The following ELP1 variants were observed in gnomAD, a reference collection of about 807,000 sequenced individuals.
ELP1 encodes the protein elongator acetyltransferase complex subunit 1.
Under a neutral mutation model 183.2 loss-of-function variants are expected in ELP1, and 131 were observed. That is an observed-to-expected ratio of 0.72 (90% CI 0.62 to 0.83). The LOEUF (loss-of-function observed/expected upper bound fraction) is 0.83, where lower values mean the gene tolerates loss of function less well. ELP1 is among the 40% of genes least tolerant of loss of function. The pLI is 0.00. For missense variants in ELP1, 1,550 were observed against 1,594.9 expected, an observed-to-expected ratio of 0.97 and a Z score of 0.48; for synonymous variants, 555 against 569.0, an observed-to-expected ratio of 0.98 and a Z score of 0.35.
chr9:108,918,850 C>T lies in ELP1; in HGVS notation c.701G>A (p.Ser234Asn). Residue 234 changes from serine to asparagine, a missense_variant, in exon 8 of 37, where the codon AGT (serine) becomes AAT (asparagine). Transcript: ENST00000374647. ...TGGTCCCAGTCCTGCCACAGGCTCA[C>T]TGGTTGACTGCAAAGCAAACTCTCG... is the stretch of plus-strand genomic sequence containing the variant. ...WNREFALQST[S>N]EPVAGLGPAL... 6.2e-7 allele frequency: 1 copy of T among 1,614,180 alleles called. No homozygotes were observed. The highest frequency in any genetic ancestry group is 1.7e-5 in the Admixed American group (1 of 60,028).
At chr9:108,885,565 A>G (rs1324026736) in intron 29 of ELP1, among the ~76,000 whole-genome samples, 2 of 152,252 alleles carry the variant, frequency 1.3e-5, no homozygotes, top group African/African-American at 4.8e-5. Flanking sequence ...CCTTACTGGT[A>G]TATTCTACTA....
intron 33 of ELP1, 109 bp downstream of exon 33, chr9:108,879,337 A>G: frequency 2.5e-6 from 2 of 798,262 alleles, no homozygotes; most frequent in Non-Finnish European, 4.4e-6. Context: ...GCTGAAGAAT[A>G]TTCTCCCCAC....
At position 108,897,021 on chromosome 9, in the gene ELP1, A is replaced by T; in HGVS notation, c.2519T>A (p.Leu840His). The T allele has an allele frequency of 6.2e-7, 1 of 1,614,068 alleles. No individual in the cohort carries two copies. Among genetic ancestry groups the T allele is most frequent in the Non-Finnish European group, 8.5e-7 (1 of 1,179,926 alleles). The stretch of plus-strand genomic sequence containing the variant: ...GGTTGTCTTCTTTACATGAGATGTA[A>T]GTATGGATAGGCAGTATCTGAGGTA... ...INPHKYCLSI[L>H]TSHVKKTTPE... Residue 840 changes from leucine to histidine, a missense_variant, in exon 24 of 37, where the codon CTT becomes CAT. By Grantham distance (99) the Leu-to-His change is moderately conservative. Coordinates refer to ENST00000374647, the MANE Select transcript of ELP1 (RefSeq NM_003640.5).
chr9:108,933,608 T>C (rs377345363), intron 1 of ELP1, among the ~76,000 whole-genome samples: 1 of 152,358 alleles, frequency 6.6e-6, no homozygotes, highest in East Asian at 1.9e-4. Flanking sequence ...ATCAACCCCC[T>C]GCAAGCAATC....
intron 5 of ELP1, 130 bp downstream of exon 5, chr9:108,926,393 A>C: frequency 1.3e-6 from 1 of 756,544 alleles, no homozygotes; most frequent in South Asian, 1.5e-5. Flanking sequence ...CTGGGCTAAT[A>C]GACATTTAAT....
At chr9:108,913,642 G>GTATA (rs961520361) in intron 10 of ELP1, among the ~76,000 whole-genome samples, 3 of 150,428 alleles carry the variant, frequency 2.0e-5, no homozygotes, top group African/African-American at 7.3e-5. Flanking sequence ...GTGTGTGTGT[G>GTATA]TATATATATA....
In ELP1 at chr9:108,868,860, G is replaced by GA. The variant is rs1484920371; in HGVS notation, c.*254dup. On this transcript the variant is annotated 3_prime_UTR_variant, in exon 37 of 37. Transcript: ENST00000374647. Reference sequence around the variant, plus strand: ...AATTATGCTCTCAAACAGCCCAAGTGAAAGAACAATCATTCTCACAAAATG... The same window carrying GA: ...AATTATGCTCTCAAACAGCCCAAGTGAAAAGAACAATCATTCTCACAAAATG... 6.7e-6 allele frequency: 4 copies of GA among 601,292 alleles called. No individual in the cohort carries two copies. The highest frequency in any genetic ancestry group is 1.2e-5 in the Non-Finnish European group (4 of 337,744). 37.2% of individuals were successfully genotyped at this position (601,292 alleles called of 1,614,324 possible). A position where few individuals can be genotyped will look rare whatever the true frequency, so the allele number is the denominator to read the frequency against.
chr9:108,911,190 A>G lies in ELP1; in HGVS notation c.1190-10T>C. On this transcript the variant is annotated splice_polypyrimidine_tract_variant and intron_variant, in intron 11 of 36. Coordinates refer to ENST00000374647, the MANE Select transcript of ELP1 (RefSeq NM_003640.5). ...GTCACCAACACCCTGTCTGCAGTGAAAAAGAAAGAAGAGGATTAGACCTAG... is the reference window on the plus strand; with the variant it reads ...GTCACCAACACCCTGTCTGCAGTGAGAAAGAAAGAAGAGGATTAGACCTAG... 6.2e-7 allele frequency: 1 copy of G among 1,613,914 alleles called. No individual in the cohort carries two copies. The highest frequency in any genetic ancestry group is 8.5e-7 in the Non-Finnish European group (1 of 1,179,858).
At chr9:108,886,941 G>T (rs1828146496) in intron 29 of ELP1, among the ~76,000 whole-genome samples, 1 of 150,252 alleles carries the variant, frequency 6.7e-6, no homozygotes, top group Non-Finnish European at 1.5e-5. Flanking sequence ...AGGCACGGAG[G>T]CTCATGCCTG....
rs928093380 is a variant in ELP1, at chr9:108,879,406, C to A, written c.3572+40G>T. On this transcript the variant is annotated intron_variant, in intron 33 of 36. Transcript: ENST00000374647. ...ATTTGCTTCCACTTTCCCTATATGC[C>A]CAGGATATAGTCAATGTGCTGAATC... The A allele has an allele frequency of 3.4e-6, 5 of 1,466,382 alleles. No individual in the cohort carries two copies. In the African/African-American group the frequency reaches 7.0e-5, roughly 20 times the overall value. 90.8% of individuals were successfully genotyped at this position (1,466,382 alleles called of 1,614,324 possible).
chr9:108,917,289 G>A (rs1829473981), intron 9 of ELP1, among the ~76,000 whole-genome samples: 1 of 152,124 alleles, frequency 6.6e-6, no homozygotes, highest in African/African-American at 2.4e-5. Flanking sequence ...CCAACACGGA[G>A]AAACCCCGTC....
chr9:108,886,621 A>G (rs946971999), intron 29 of ELP1, among the ~76,000 whole-genome samples: 1 of 152,226 alleles, frequency 6.6e-6, no homozygotes, highest in Non-Finnish European at 1.5e-5. Flanking sequence ...CATTCATGAT[A>G]CAAACTCTCA....
At chr9:108,910,722 C>G (rs1430148285) in intron 12 of ELP1, among the ~76,000 whole-genome samples, 1 of 150,886 alleles carries the variant, frequency 6.6e-6, no homozygotes, top group Non-Finnish European at 1.5e-5. Flanking sequence ...AACATGTTAA[C>G]AATGTATAAC....
chr9:108,919,403 T>C (rs901189298), intron 6 of ELP1, 54 bp from the exon 7 acceptor site: 2 of 1,209,750 alleles, frequency 1.7e-6, no homozygotes, highest in Non-Finnish European at 2.5e-6. Flanking sequence ...TATCCCAGAA[T>C]CAAACAAGCC....
At chr9:108,875,476 C>T (rs1232433277) in intron 35 of ELP1, among the ~76,000 whole-genome samples, 2 of 152,242 alleles carry the variant, frequency 1.3e-5, no homozygotes, top group African/African-American at 4.8e-5. Context: ...GGGCACACCC[C>T]TGGTTAGTGC....
At chr9:108,923,975 C>T (rs1341218) in intron 5 of ELP1, among the ~76,000 whole-genome samples, 1,820 of 152,268 alleles carry the variant, frequency 0.012, 17 homozygotes, top group Non-Finnish European at 0.021. Flanking sequence ...GTCCATATGA[C>T]CATTTCCTGT....
chr9:108,897,075 G>A, intron 23 of ELP1, 37 bp from the exon 24 acceptor site: 1 of 1,613,214 alleles, frequency 6.2e-7, no homozygotes, highest in Non-Finnish European at 8.5e-7. Context: ...AATGAGAAAG[G>A]TAAGTAGGCT....
chr9:108,901,514 G>A lies in ELP1; in HGVS notation c.1925C>T (p.Thr642Met), dbSNP rs377020122. 7.1e-5 allele frequency: 115 copies of A among 1,613,670 alleles called. No homozygotes were observed. The highest frequency in any genetic ancestry group is 2.0e-4 in the South Asian group (18 of 91,074). The change falls in exon 18 of 37, where the codon ACG (threonine) becomes ATG (methionine). Residue 642 changes from threonine to methionine, a missense_variant. Coordinates refer to ENST00000374647, the MANE Select transcript of ELP1 (RefSeq NM_003640.5). ...INDIEVASNI[T>M]SFAVYDEFLL... ...AAACTCATCATATACTGCAAATGACGTGATATTTGACGCAACCTGCAAGAG... is the reference window on the plus strand; with the variant it reads ...AAACTCATCATATACTGCAAATGACATGATATTTGACGCAACCTGCAAGAG...
chr9:108,918,783 T>C lies in ELP1; in HGVS notation c.740+28A>G, dbSNP rs115877435. 1.0e-4 allele frequency: 157 copies of C among 1,546,196 alleles called. No homozygotes were observed. The African/African-American group carries it at 1.8e-3, about 18-fold the overall frequency. The stretch of plus-strand genomic sequence containing the variant: ...ACCACCTCTACTCTGGTTCCAAGAA[T>C]TTCTCTAAGGTTTCTTCTCCCACTC... On this transcript the variant is annotated intron_variant, in intron 8 of 36. Coordinates refer to ENST00000374647, the MANE Select transcript of ELP1 (RefSeq NM_003640.5).
Sources: gnomAD v4.1 joint callset for allele counts (sites outside exome capture counted in the v4.1 genomes callset) on GRCh38, gnomAD v4.1.1 for gene constraint, MANE v1.5 for transcripts, NCBI Gene and HGNC (gene_info 2026-07-23, HGNC 2026-07-21) for gene names.